Variants in FBXO21 observed in about 807,000 individuals in gnomAD.
FBXO21 encodes F-box only protein 21.
In FBXO21, 32 loss-of-function variants were observed where a neutral mutation model predicts 76.6. The observed-to-expected ratio is 0.42, with a 90% CI of 0.32 to 0.56. FBXO21 has a LOEUF of 0.56. FBXO21 is among the 20% of genes least tolerant of loss of function. The pLI is 0.16. For synonymous variants in FBXO21, 328 were observed against 311.5 expected, an observed-to-expected ratio of 1.05 and a Z score of -0.56; for missense variants, 586 against 797.3, an observed-to-expected ratio of 0.73 and a Z score of 3.19.
intron 7 of FBXO21, among the ~76,000 whole-genome samples, chr12:117,170,206 GA>G (rs1956104043): frequency 6.8e-6 from 1 of 147,896 alleles, no homozygotes; most frequent in Admixed American, 6.7e-5. Context: ...TTAGCTTGAT[GA>G]AGAAAAAGAT....
At chr12:117,158,148 C>T (rs1374820705) in intron 9 of FBXO21, 85 bp from the exon 10 acceptor site, 23 of 1,495,642 alleles carry the variant, frequency 1.5e-5, no homozygotes, top group Middle Eastern at 2.0e-4. Context: ...GACCTACCTA[C>T]GTAACCTAAC....
chr12:117,174,433 G>T, intron 5 of FBXO21, 92 bp from the exon 6 acceptor site: 1 of 1,401,132 alleles, frequency 7.1e-7, no homozygotes, highest in Non-Finnish European at 1.0e-6. Context: ...ATTGGCAATG[G>T]CCTAACAATA....
chr12:117,148,273 G>A (rs1593055423), intron 11 of FBXO21, among the ~76,000 whole-genome samples: 1 of 152,336 alleles, frequency 6.6e-6, no homozygotes, highest in East Asian at 1.9e-4. Context: ...AATCAGTACC[G>A]CTGAGGAAGT....
intron 3 of FBXO21, among the ~76,000 whole-genome samples, chr12:117,180,329 A>G (rs1361544804): frequency 6.6e-6 from 1 of 152,224 alleles, no homozygotes; most frequent in African/African-American, 2.4e-5. Context: ...TAGGAAGCCT[A>G]GTGTTGATGT....
chr12:117,175,215 A>AC (rs1350360333), intron 4 of FBXO21, among the ~76,000 whole-genome samples: 1 of 152,040 alleles, frequency 6.6e-6, no homozygotes, highest in African/African-American at 2.4e-5. Flanking sequence ...CAAAACAACA[A>AC]AAAAAAACAA....
In FBXO21 at chr12:117,149,284, G is replaced by C. The variant is rs146034008; in HGVS notation, c.1676-3007C>G. Among the ~76,000 whole-genome samples the C allele has an allele frequency of 8.8e-3, 1,337 of 152,270 alleles. 13 individuals carry two copies. The highest frequency in any genetic ancestry group is 0.031 in the African/African-American group (1,270 of 41,568). On this transcript the variant is annotated intron_variant, in intron 11 of 11. Coordinates refer to ENST00000622495, the MANE Select transcript of FBXO21 (RefSeq NM_015002.3). ...CAAAGTGTTGGGATTACAAGTGTGA[G>C]CCACCACGCCTGGCCATGTTTGGAT...
chr12:117,181,857 G>C (rs1003318147), intron 3 of FBXO21, among the ~76,000 whole-genome samples: 1 of 152,062 alleles, frequency 6.6e-6, no homozygotes, highest in Non-Finnish European at 1.5e-5. Context: ...CTCCATGTTG[G>C]CCAGGCTGGT....
At chr12:117,155,516 T>G (rs1478054506) in intron 11 of FBXO21, 1 of 484,808 alleles carries the variant, frequency 2.1e-6, no homozygotes, top group East Asian at 3.6e-5. Flanking sequence ...TTACAGGAAT[T>G]TGATTGGCAT....
chr12:117,180,854 C>T lies in FBXO21; in HGVS notation c.471-3213G>A, dbSNP rs1956221487. On this transcript the variant is annotated intron_variant, in intron 3 of 11. Coordinates refer to ENST00000622495, the MANE Select transcript of FBXO21 (RefSeq NM_015002.3). ...TTCACCATGTTGGCCAGGATGGTCT[C>T]AGTCTCCTGACCTTGTGATCCGCCT... 2.6e-5 allele frequency among the ~76,000 whole-genome samples: 4 copies of T among 152,074 alleles called. No homozygotes were observed. The South Asian group carries it at 8.3e-4, about 32-fold the overall frequency.
At chr12:117,176,066 G>A (rs886583605) in intron 4 of FBXO21, among the ~76,000 whole-genome samples, 7 of 152,182 alleles carry the variant, frequency 4.6e-5, no homozygotes, top group African/African-American at 1.7e-4. Context: ...CCTTTTGGAT[G>A]ATACTAGGTT....
intron 9 of FBXO21, among the ~76,000 whole-genome samples, chr12:117,162,918 C>G (rs1263535569): frequency 6.6e-6 from 1 of 152,180 alleles, no homozygotes; most frequent in Non-Finnish European, 1.5e-5. Flanking sequence ...AGTTGTTTTT[C>G]ATTTTTCAAG....
rs201013630 is a variant in FBXO21 at position 117,150,870 on chromosome 12, A to ACT, written c.1676-4595_1676-4594dup. Among the ~76,000 whole-genome samples, 566 of 62,372 alleles carry ACT rather than the reference A, an allele frequency of 9.1e-3. 19 individuals carry two copies. The East Asian group carries it at 0.18, about 20-fold the overall frequency. The allele number at this position is 62,372 out of a possible 152,430, so 40.9% of individuals were successfully genotyped here. ...TGCCAGCAGGTACAGCTGGCCATGGACTGTGTGTGTGTGTGTGTGTGTGTG... is the reference window on the plus strand; with the variant it reads ...TGCCAGCAGGTACAGCTGGCCATGGACTCTGTGTGTGTGTGTGTGTGTGTGTG... On this transcript the variant is annotated intron_variant, in intron 11 of 11. Coordinates refer to ENST00000622495, the MANE Select transcript of FBXO21 (RefSeq NM_015002.3).
intron 6 of FBXO21, among the ~76,000 whole-genome samples, chr12:117,173,055 G>A (rs1027058618): frequency 5.5e-5 from 8 of 145,760 alleles, no homozygotes; most frequent in African/African-American, 2.0e-4. Flanking sequence ...TTTTTTTTGA[G>A]ATGGAGTCCC....
rs144893839 is a variant in FBXO21 at position 117,146,139 on chromosome 12, T to A, written c.1814A>T (p.Tyr605Phe). The A allele has an allele frequency of 1.2e-6, 2 of 1,613,794 alleles. No homozygotes were observed. Among genetic ancestry groups the A allele is most frequent in the East Asian group, 4.5e-5 (2 of 44,878 alleles). ...ACTGTAAATATTCTGCACCGTTTCA[T>A]AGACAAACTCCAGATCTTCTGGATA... ...IRYPEDLEFV[Y>F]ETVQNIYSAK... is the part of the protein sequence containing the mutation. The change falls in exon 12 of 12, where the codon TAT becomes TTT. Residue 605 changes from tyrosine (Y) to phenylalanine (F), a missense_variant. Transcript: ENST00000622495.
chr12:117,183,329 C>A (rs374843118), intron 3 of FBXO21, among the ~76,000 whole-genome samples: 5 of 151,848 alleles, frequency 3.3e-5, no homozygotes, highest in Non-Finnish European at 7.3e-5. Context: ...CGGCTCACTG[C>A]AACCTCTGCC....
At chr12:117,187,244 A>G (rs1956292612) in intron 2 of FBXO21, among the ~76,000 whole-genome samples, 1 of 151,366 alleles carries the variant, frequency 6.6e-6, no homozygotes, top group African/African-American at 2.4e-5. Context: ...AACATAGAGA[A>G]ACCCCATCTC....
chr12:117,178,559 C>T (rs1439366976), intron 3 of FBXO21, among the ~76,000 whole-genome samples: 1 of 152,064 alleles, frequency 6.6e-6, no homozygotes, highest in Non-Finnish European at 1.5e-5. Flanking sequence ...CTCTTGAACT[C>T]TCGCCCCATT....
In FBXO21 at chr12:117,150,225, G is replaced by C. The variant is rs1357400176; in HGVS notation, c.1676-3948C>G. On this transcript the variant is annotated intron_variant, in intron 11 of 11. Coordinates refer to ENST00000622495, the MANE Select transcript of FBXO21 (RefSeq NM_015002.3). ...ACTTAATTGAGTAAAACATGAACCA[G>C]GCACCACTTAAAAGTTCTGAAAAAT... Among the ~76,000 whole-genome samples the C allele has an allele frequency of 5.3e-5, 8 of 152,178 alleles. No individual in the cohort carries two copies. The East Asian group carries it at 1.5e-3, about 29-fold the overall frequency.
In FBXO21 at chr12:117,145,023, A is replaced by G. The variant is rs1955752317; in HGVS notation, c.*1064T>C. ...TCAAACAGGCCTTGAAGTGACTCTA[A>G]GGAATAACAAGAGGTGTGAAACCAC... On this transcript the variant is annotated 3_prime_UTR_variant, in exon 12 of 12. Coordinates refer to ENST00000622495, the MANE Select transcript of FBXO21 (RefSeq NM_015002.3). The G allele has an allele frequency of 6.6e-6, 1 of 151,870 alleles. No individual in the cohort carries two copies. The highest frequency in any genetic ancestry group is 2.4e-5 in the African/African-American group (1 of 41,392). The allele number at this position is 151,870 out of a possible 1,614,324, so 9.4% of individuals were successfully genotyped here. A position where few individuals can be genotyped will look rare whatever the true frequency, so the allele number is the denominator to read the frequency against.
Sources: allele counts gnomAD v4.1 joint callset (sites outside exome capture counted in the v4.1 genomes callset), GRCh38; gene constraint gnomAD v4.1.1; transcripts MANE v1.5; gene names NCBI Gene and HGNC (gene_info 2026-07-23, HGNC 2026-07-21).